Variants in CDKL1 observed in about 807,000 individuals in gnomAD.
CDKL1 encodes cyclin dependent kinase like 1, also known as cyclin-dependent kinase-like 1.
Under a neutral mutation model 42.0 loss-of-function variants are expected in CDKL1, and 41 were observed. The ratio of observed to expected loss-of-function variants is 0.98; its 90% CI spans 0.76 to 1.27. CDKL1 has a LOEUF of 1.27. Ranked by LOEUF, CDKL1 falls within the 50% of genes most tolerant of loss-of-function variation. The probability of loss-of-function intolerance (pLI) is 0.00; values close to 1 mark genes in which losing one functional copy is unlikely to be tolerated. For synonymous variants in CDKL1, 153 were observed against 158.6 expected, an observed-to-expected ratio of 0.96 and a Z score of 0.26; for missense variants, 394 against 428.4, an observed-to-expected ratio of 0.92 and a Z score of 0.71.
At chr14:50,343,951 C>T (rs2033640804) in intron 4 of CDKL1, among the ~76,000 whole-genome samples, 1 of 152,238 alleles carries the variant, frequency 6.6e-6, no homozygotes, top group South Asian at 2.1e-4. Context: ...CAGGAAAAAT[C>T]ATTTGGAACA....
upstream of CDKL1, chr14:50,397,142 G>C (rs2035439077): frequency 2.9e-6 from 4 of 1,366,098 alleles, no homozygotes; most frequent in Non-Finnish European, 3.9e-6. Flanking sequence ...CTGTAACCGC[G>C]TCTGCGGAGC....
chr14:50,394,022 C>T (rs1423112051), intron 2 of CDKL1, among the ~76,000 whole-genome samples: 1 of 152,064 alleles, frequency 6.6e-6, no homozygotes, highest in African/African-American at 2.4e-5. Flanking sequence ...GGTCTCCATC[C>T]CAGAAGAACT....
intron 2 of CDKL1, among the ~76,000 whole-genome samples, chr14:50,368,166 C>T (rs2034483600): frequency 6.6e-6 from 1 of 152,080 alleles, no homozygotes; most frequent in African/African-American, 2.4e-5. Context: ...CGCTACGTTG[C>T]CCTGTCCGAT....
chr14:50,350,354 T>C (rs1447157855), intron 3 of CDKL1, among the ~76,000 whole-genome samples: 1 of 152,234 alleles, frequency 6.6e-6, no homozygotes, highest in Non-Finnish European at 1.5e-5. Context: ...AGAACAGGTA[T>C]GAAGAAAAGG....
At chr14:50,363,909 G>A (rs1362737156) in intron 2 of CDKL1, 2 of 152,174 alleles carry the variant, frequency 1.3e-5, no homozygotes, top group Non-Finnish European at 1.5e-5. Context: ...TTCCTAGAAG[G>A]CTCACACTCC....
intron 3 of CDKL1, among the ~76,000 whole-genome samples, chr14:50,351,603 C>A (rs1566586026): frequency 6.6e-6 from 1 of 151,872 alleles, no homozygotes; most frequent in African/African-American, 2.4e-5. Context: ...AGCGTGGTGG[C>A]AGGCACCTGT....
At chr14:50,397,200 C>T (rs1384601826), upstream of CDKL1, 1 of 1,366,500 alleles carries the variant, frequency 7.3e-7, no homozygotes, top group African/African-American at 1.5e-5. Context: ...CATTTCCCTG[C>T]AACAGCAGTC....
Position 50,342,213 on chromosome 14 carries a change from T to C in CDKL1, c.373A>G (p.Arg125Gly), listed in dbSNP as rs2033569786. 6.2e-7 allele frequency: 1 copy of C among 1,613,470 alleles called. No individual in the cohort carries two copies. Among genetic ancestry groups the C allele is most frequent in the Non-Finnish European group, 8.5e-7 (1 of 1,179,424 alleles). Reference protein sequence around the residue: ...NFCHKHNCIHRDVKPENILIT... With the variant: ...NFCHKHNCIHGDVKPENILIT... ...AGGATATTTTCTGGCTTCACGTCTC[T>C]ATGTATGCACTAGTGTAACAAATCA... Residue 125 changes from arginine (R) to glycine (G), a missense_variant, in exon 5 of 10, where the codon AGA becomes GGA. Transcript: ENST00000395834.
In CDKL1 at chr14:50,328,464, T is replaced by C. The variant is rs906049427; in HGVS notation, c.*1610A>G. 6.6e-6 allele frequency: 1 copy of C among 152,092 alleles called. No individual in the cohort carries two copies. Among genetic ancestry groups the C allele is most frequent in the African/African-American group, 2.4e-5 (1 of 41,402 alleles). 9.4% of individuals were successfully genotyped at this position (152,092 alleles called of 1,614,324 possible). A position where few individuals can be genotyped will look rare whatever the true frequency, so the allele number is the denominator to read the frequency against. On this transcript the variant is annotated 3_prime_UTR_variant, in exon 10 of 10. Coordinates refer to ENST00000395834, the MANE Select transcript of CDKL1 (RefSeq NM_004196.7). ...AAGTAAATGGGGTCAGATGTCATCA[T>C]GAAGAAAATTAACAGGAAGAAAATG...
chr14:50,368,554 G>C (rs978345346), intron 2 of CDKL1, among the ~76,000 whole-genome samples: 8 of 151,984 alleles, frequency 5.3e-5, no homozygotes, highest in Admixed American at 5.2e-4. Context: ...GTGAGCCACT[G>C]TACCCAGCCT....
intron 3 of CDKL1, among the ~76,000 whole-genome samples, chr14:50,354,172 C>T (rs146877367): frequency 4.3e-4 from 65 of 152,238 alleles, no homozygotes; most frequent in African/African-American, 1.5e-3. Context: ...CCAGGCTGGT[C>T]TTGAACTCCT....
chr14:50,382,515 G>A (rs1054847329), intron 2 of CDKL1, among the ~76,000 whole-genome samples: 1 of 151,790 alleles, frequency 6.6e-6, no homozygotes, highest in Admixed American at 6.6e-5. Flanking sequence ...CTTTAAGAAT[G>A]TTTCCATTCA....
At chr14:50,359,461 T>TC (rs2034170442) in intron 2 of CDKL1, among the ~76,000 whole-genome samples, 1 of 152,012 alleles carries the variant, frequency 6.6e-6, no homozygotes, top group Non-Finnish European at 1.5e-5. Context: ...AAATGTCCCT[T>TC]CCTAGGGTCT....
Position 50,332,309 on chromosome 14 carries a change from T to C in CDKL1, c.919A>G (p.Thr307Ala). 6.2e-7 allele frequency: 1 copy of C among 1,614,176 alleles called. No individual in the cohort carries two copies. Among genetic ancestry groups the C allele is most frequent in the Non-Finnish European group, 8.5e-7 (1 of 1,180,032 alleles). The change falls in exon 9 of 10, where the codon ACC (threonine) becomes GCC (alanine). Residue 307 changes from threonine to alanine, a missense_variant. Thr to Ala is a moderately conservative substitution (Grantham distance 58). Transcript: ENST00000395834. Reference protein sequence around the residue: ...AKEHNKPTRKTLRKSRKHHCF... With the variant: ...AKEHNKPTRKALRKSRKHHCF... ...TGGTGCTTTCGGCTCTTTCTTAGGGTCTTCCTTGTTGGTTTGTTGTGTTCT... is the reference window on the plus strand; with the variant it reads ...TGGTGCTTTCGGCTCTTTCTTAGGGCCTTCCTTGTTGGTTTGTTGTGTTCT...
At position 50,389,900 on chromosome 14, in the gene CDKL1, G is replaced by T. The variant is rs1159648788; in HGVS notation, c.168+5801C>A. On this transcript the variant is annotated intron_variant, in intron 2 of 9. Transcript: ENST00000395834. ...GGGGAAACCACATGGCATGAACTTG[G>T]GGACAGACAGAACTGTGTCTGCATT... Among the ~76,000 whole-genome samples the T allele has an allele frequency of 2.0e-5, 3 of 152,230 alleles. No homozygotes were observed. In the East Asian group the frequency reaches 5.8e-4, roughly 29 times the overall value.
At chr14:50,378,056 T>C in intron 2 of CDKL1, 1 of 901,772 alleles carries the variant, frequency 1.1e-6, no homozygotes, top group Non-Finnish European at 1.5e-6. Flanking sequence ...CATCCTGAGA[T>C]CTAGGATAGG....
rs753634767 is a variant in CDKL1 at position 50,334,629 on chromosome 14, AAAG to A, written c.739-11_739-9del. 1.3e-6 allele frequency: 2 copies of A among 1,559,206 alleles called. No individual in the cohort carries two copies. Among genetic ancestry groups the A allele is most frequent in the Non-Finnish European group, 1.8e-6 (2 of 1,129,948 alleles). ...TTTTAATTCAAGTGGTTCCTGTTGA[AAAG>A]AAAAGAGGTTTTTAATTTACAGCAT... is the stretch of plus-strand genomic sequence containing the variant. On this transcript the variant is annotated splice_polypyrimidine_tract_variant and intron_variant, in intron 7 of 9. Transcript: ENST00000395834.
chr14:50,396,446 C>CTGTAA (rs2035409738), intron 1 of CDKL1, 117 bp from the exon 2 acceptor site: 4 of 985,150 alleles, frequency 4.1e-6, no homozygotes, highest in Non-Finnish European at 4.8e-6. Context: ...TTTAATCGCC[C>CTGTAA]GTTAAATACC....
intron 2 of CDKL1, among the ~76,000 whole-genome samples, chr14:50,394,957 C>A (rs188506947): frequency 6.6e-6 from 1 of 151,904 alleles, no homozygotes; most frequent in Non-Finnish European, 1.5e-5. Context: ...GCCAACATAG[C>A]AAGATCCCAT....
Sources: gnomAD v4.1 joint callset for allele counts (sites outside exome capture counted in the v4.1 genomes callset) on GRCh38, gnomAD v4.1.1 for gene constraint, MANE v1.5 for transcripts, NCBI Gene and HGNC (gene_info 2026-07-23, HGNC 2026-07-21) for gene names.